Variants in RPGRIP1L observed in about 807,000 individuals in gnomAD.
RPGRIP1L encodes RPGRIP1 like, also known as protein fantom.
RPGRIP1L carries 131 observed loss-of-function variants against 160.4 expected under a neutral mutation model. The ratio of observed to expected loss-of-function variants is 0.82; its 90% CI spans 0.71 to 0.94. The LOEUF (loss-of-function observed/expected upper bound fraction) is 0.94. Among genes scored for constraint, RPGRIP1L ranks in the 40% least tolerant of loss-of-function variants. The pLI, the probability that RPGRIP1L is intolerant of heterozygous loss-of-function variation, is 0.00. For missense variants in RPGRIP1L, 1,522 were observed against 1,535.8 expected (o/e 0.99, Z 0.15); for synonymous variants, 510 against 515.8 (o/e 0.99, Z 0.15).
chr16:53,702,862 A>G (rs377702739), intron 1 of RPGRIP1L, among the ~76,000 whole-genome samples: 7 of 152,200 alleles, frequency 4.6e-5, no homozygotes, highest in African/African-American at 1.4e-4. Context: ...TATCAGATAA[A>G]ATTATTGTTT....
intron 2 of RPGRIP1L, among the ~76,000 whole-genome samples, chr16:53,699,446 T>C (rs997992619): frequency 6.7e-6 from 1 of 149,220 alleles, no homozygotes; most frequent in African/African-American, 2.5e-5. Context: ...AGAAGGTCGA[T>C]TTTCAACAAT....
At chr16:53,667,693 G>A (rs538747538) in intron 9 of RPGRIP1L, among the ~76,000 whole-genome samples, 4 of 151,962 alleles carry the variant, frequency 2.6e-5, no homozygotes, top group African/African-American at 9.6e-5. Context: ...GCTAACATGG[G>A]GAAACCCCAC....
intron 9 of RPGRIP1L, among the ~76,000 whole-genome samples, 169 bp from the exon 10 acceptor site, chr16:53,665,178 C>A (rs1167940018): frequency 1.3e-5 from 2 of 152,108 alleles, no homozygotes; most frequent in South Asian, 2.1e-4. Flanking sequence ...TCTCAGGCTG[C>A]GGTTAGGGAA....
Position 53,661,528 on chromosome 16 carries a change from C to T in RPGRIP1L, c.1244-2650G>A, listed in dbSNP as rs561756786. The stretch of plus-strand genomic sequence containing the variant: ...TAACAAAAAGAAGGCAAATATAGTC[C>T]GAAGTATGTAAAAACAAAGGTACTG... On this transcript the variant is annotated intron_variant, in intron 10 of 26. Transcript: ENST00000647211. Among the ~76,000 whole-genome samples, 5 of 151,940 alleles carry T rather than the reference C, an allele frequency of 3.3e-5. No homozygotes were observed. In the South Asian group the frequency reaches 8.3e-4, roughly 25 times the overall value.
At chr16:53,603,046 G>A (rs940679784) in intron 26 of RPGRIP1L, among the ~76,000 whole-genome samples, 2 of 152,224 alleles carry the variant, frequency 1.3e-5, no homozygotes, top group African/African-American at 2.4e-5. Context: ...ACTACTTTCA[G>A]TGGTGTCCCA....
chr16:53,687,860 T>A lies in RPGRIP1L; in HGVS notation c.632+3A>T, dbSNP rs1199369212. The A allele has an allele frequency of 1.9e-6, 3 of 1,561,030 alleles. No individual in the cohort carries two copies. The highest frequency in any genetic ancestry group is 1.7e-4 in the Middle Eastern group (1 of 5,936). On this transcript the variant is annotated splice_donor_region_variant and intron_variant, in intron 5 of 26. Coordinates refer to ENST00000647211, the MANE Select transcript of RPGRIP1L (RefSeq NM_015272.5). ...TCAAATTACCACAAAAAAGAACACA[T>A]ACAAATTTCTTATTTCTCCTCTGGC...
At position 53,658,423 on chromosome 16, in the gene RPGRIP1L, T is replaced by C. The variant is rs773395675; in HGVS notation, c.1392A>G (p.Leu464=). The C allele has an allele frequency of 2.5e-6, 4 of 1,610,792 alleles. No individual in the cohort carries two copies. Among genetic ancestry groups the C allele is most frequent in the Middle Eastern group, 1.6e-4 (1 of 6,074 alleles). Residue 464 remains leucine (L), a synonymous_variant, in exon 12 of 27, where the codon CTA becomes CTG. Transcript: ENST00000647211. ...INADELSEAL[L]LIKAQKEQKN... is the part of the protein sequence containing the mutation. ...AAGTTCAGAACCTTACCTTTATAAGTAGGAGAGCTTCACTCAATTCATCAG... is the reference window on the plus strand; with the variant it reads ...AAGTTCAGAACCTTACCTTTATAAGCAGGAGAGCTTCACTCAATTCATCAG...
intron 4 of RPGRIP1L, among the ~76,000 whole-genome samples, chr16:53,690,977 C>T (rs1053141327): frequency 2.0e-5 from 3 of 152,218 alleles, no homozygotes; most frequent in East Asian, 1.9e-4. Context: ...CATCCTGCAG[C>T]TGCCTCCTGC....
At chr16:53,655,606 G>A (rs539927139) in intron 14 of RPGRIP1L, 1 of 152,320 alleles carries the variant, frequency 6.6e-6, no homozygotes, top group Non-Finnish European at 1.5e-5. Flanking sequence ...GCTTCTGAGT[G>A]CATGAGAAGA....
chr16:53,638,773 A>G (rs1966006791), intron 19 of RPGRIP1L, among the ~76,000 whole-genome samples: 2 of 151,990 alleles, frequency 1.3e-5, no homozygotes, highest in South Asian at 4.1e-4. Context: ...GTGTTTATTA[A>G]CATTACAGAG....
At chr16:53,659,990 C>T (rs1598347967) in intron 10 of RPGRIP1L, 1 of 152,132 alleles carries the variant, frequency 6.6e-6, no homozygotes, top group East Asian at 1.9e-4. Context: ...TTATGCTTGT[C>T]TAGGTACTCA....
chr16:53,615,110 A>C (rs1964280194), intron 24 of RPGRIP1L, among the ~76,000 whole-genome samples: 1 of 152,192 alleles, frequency 6.6e-6, no homozygotes, highest in Non-Finnish European at 1.5e-5. Flanking sequence ...CTGATGTTTC[A>C]CATCATCTTC....
chr16:53,680,968 T>C (rs573099984), intron 6 of RPGRIP1L, among the ~76,000 whole-genome samples: 1 of 152,280 alleles, frequency 6.6e-6, no homozygotes, highest in Admixed American at 6.5e-5. Context: ...ATTCAAAAAA[T>C]ATGCTAAGGG....
Position 53,649,003 on chromosome 16 carries a change from A to G in RPGRIP1L, c.2265T>C (p.Tyr755=). The G allele has an allele frequency of 6.2e-7, 1 of 1,614,012 alleles. No homozygotes were observed. Among genetic ancestry groups the G allele is most frequent in the Non-Finnish European group, 8.5e-7 (1 of 1,179,876 alleles). ...LYRERAKALG[Y]ITSNFKGPEH... ...CTGGCCCCTTAAAATTTGATGTTAT[A>G]TACCCCAAAGCCTTTGCCCTTTCTC... Residue 755 remains tyrosine (Y), a synonymous_variant, in exon 16 of 27, where the codon TAT becomes TAC. Coordinates refer to ENST00000647211, the MANE Select transcript of RPGRIP1L (RefSeq NM_015272.5).
chr16:53,615,181 G>A (rs1389047133), intron 24 of RPGRIP1L, among the ~76,000 whole-genome samples: 2 of 152,068 alleles, frequency 1.3e-5, no homozygotes, highest in Admixed American at 1.3e-4. Flanking sequence ...TAGAGGCTAA[G>A]GGTCCAGACA....
chr16:53,681,552 G>A (rs999192451), intron 6 of RPGRIP1L, among the ~76,000 whole-genome samples: 1 of 152,058 alleles, frequency 6.6e-6, no homozygotes, highest in Non-Finnish European at 1.5e-5. Context: ...AATGATATAA[G>A]ATTTTTTGCT....
At chr16:53,610,294 C>T (rs1012306726) in intron 25 of RPGRIP1L, among the ~76,000 whole-genome samples, 1 of 151,704 alleles carries the variant, frequency 6.6e-6, no homozygotes, top group Non-Finnish European at 1.5e-5. Flanking sequence ...GCAAGGTATC[C>T]TATTTAAATT....
intron 10 of RPGRIP1L, 93 bp downstream of exon 10, chr16:53,664,777 G>T: frequency 7.1e-7 from 1 of 1,399,562 alleles, no homozygotes; most frequent in Non-Finnish European, 1.0e-6. Context: ...GGGGATACTG[G>T]CAAACAGTAG....
intron 14 of RPGRIP1L, among the ~76,000 whole-genome samples, chr16:53,653,692 C>T (rs532777689): frequency 6.6e-6 from 1 of 152,184 alleles, no homozygotes; most frequent in Non-Finnish European, 1.5e-5. Context: ...CTCCTCCTAT[C>T]CTTCTTCTCA....
Sources: allele counts gnomAD v4.1 joint callset (sites outside exome capture counted in the v4.1 genomes callset), GRCh38; gene constraint gnomAD v4.1.1; transcripts MANE v1.5; gene names NCBI Gene and HGNC (gene_info 2026-07-23, HGNC 2026-07-21).